Variants in DNM3 observed in about 807,000 individuals in gnomAD.
The protein encoded by DNM3 is dynamin-3.
DNM3 carries 47 observed loss-of-function variants against 101.6 expected under a neutral mutation model. The ratio of observed to expected loss-of-function variants is 0.46; its 90% CI spans 0.37 to 0.59. The LOEUF (loss-of-function observed/expected upper bound fraction) is 0.59. Ranked by LOEUF, DNM3 falls within the 20% of genes least tolerant of loss-of-function variation. The pLI, the probability that DNM3 is intolerant of heterozygous loss-of-function variation, is 0.00. For missense variants in DNM3, 849 were observed against 1,085.7 expected (o/e 0.78, Z 3.06); for synonymous variants, 385 against 387.9 (o/e 0.99, Z 0.09).
At chr1:172,121,435 G>A (rs1195449110) in intron 13 of DNM3, among the ~76,000 whole-genome samples, 2 of 152,240 alleles carry the variant, frequency 1.3e-5, no homozygotes, top group African/African-American at 4.8e-5. Flanking sequence ...AATCAAGATA[G>A]TGCGGAAGCC....
chr1:172,222,207 A>C (rs1278093099), intron 14 of DNM3, among the ~76,000 whole-genome samples: 1 of 152,208 alleles, frequency 6.6e-6, no homozygotes, highest in South Asian at 2.1e-4. Context: ...AAACATGGCC[A>C]CTTGCTTTAG....
chr1:171,965,820 C>G (rs2043548002), intron 2 of DNM3, among the ~76,000 whole-genome samples: 1 of 152,112 alleles, frequency 6.6e-6, no homozygotes, highest in Non-Finnish European at 1.5e-5. Flanking sequence ...TATTCAGCTC[C>G]TCTCCCCTCC....
At chr1:172,299,719 C>T (rs1025537033) in intron 15 of DNM3, among the ~76,000 whole-genome samples, 15 of 152,100 alleles carry the variant, frequency 9.9e-5, no homozygotes, top group African/African-American at 3.6e-4. Context: ...TAACTTTGTT[C>T]TTTTTATGGG....
At chr1:172,028,863 A>T (rs772615703) in intron 4 of DNM3, among the ~76,000 whole-genome samples, 2 of 152,214 alleles carry the variant, frequency 1.3e-5, no homozygotes, top group Non-Finnish European at 2.9e-5. Context: ...AACCAGGAAG[A>T]AGTTGAATCC....
At chr1:172,311,822 C>A (rs1329237443) in intron 16 of DNM3, among the ~76,000 whole-genome samples, 6 of 152,132 alleles carry the variant, frequency 3.9e-5, no homozygotes, top group Non-Finnish European at 8.8e-5. Context: ...ATTTGTTTAT[C>A]AATGCATATT....
chr1:172,195,110 A>G (rs901280672), intron 14 of DNM3, among the ~76,000 whole-genome samples: 1 of 151,914 alleles, frequency 6.6e-6, no homozygotes, highest in Non-Finnish European at 1.5e-5. Context: ...TTATTTCTCC[A>G]TCACTTATGA....
intron 2 of DNM3, among the ~76,000 whole-genome samples, chr1:171,962,327 T>G (rs1275070958): frequency 1.3e-5 from 2 of 152,144 alleles, no homozygotes; most frequent in Non-Finnish European, 2.9e-5. Flanking sequence ...TATGAAATAC[T>G]GAGAATAGGT....
At chr1:171,993,221 T>C (rs140155358) in intron 4 of DNM3, among the ~76,000 whole-genome samples, 125 of 152,288 alleles carry the variant, frequency 8.2e-4, no homozygotes, top group Middle Eastern at 3.4e-3. Context: ...TTTGAGTTAC[T>C]GTCCAGTGTC....
At chr1:172,121,104 A>G (rs1197910374) in intron 13 of DNM3, among the ~76,000 whole-genome samples, 1 of 152,176 alleles carries the variant, frequency 6.6e-6, no homozygotes, top group African/African-American at 2.4e-5. Context: ...TGAGAAATAG[A>G]TGACAGGCTT....
intron 2 of DNM3, among the ~76,000 whole-genome samples, chr1:171,986,790 C>A (rs1366140664): frequency 6.6e-6 from 1 of 152,096 alleles, no homozygotes; most frequent in Non-Finnish European, 1.5e-5. Context: ...TACAATTCTT[C>A]ATTGAGATAT....
chr1:172,414,614 G>T (rs1166333104), downstream of DNM3, among the ~76,000 whole-genome samples: 3 of 152,126 alleles, frequency 2.0e-5, no homozygotes. Flanking sequence ...CATTGAGTGT[G>T]ATTTCCTCAG....
At chr1:172,173,023 G>T (rs866187337) in intron 14 of DNM3, among the ~76,000 whole-genome samples, 4 of 151,848 alleles carry the variant, frequency 2.6e-5, no homozygotes, top group Admixed American at 6.6e-5. Flanking sequence ...GAATAGCTCT[G>T]GAAGGGGTTT....
intron 10 of DNM3, among the ~76,000 whole-genome samples, chr1:172,068,527 G>C (rs1342044304): frequency 6.6e-6 from 1 of 152,026 alleles, no homozygotes; most frequent in Non-Finnish European, 1.5e-5. Flanking sequence ...TTTATTAAGT[G>C]CCAACTCAGC....
intron 14 of DNM3, among the ~76,000 whole-genome samples, chr1:172,181,459 A>G (rs918738474): frequency 2.0e-5 from 3 of 151,834 alleles, no homozygotes; most frequent in Admixed American, 6.6e-5. Context: ...ATATCTTGCT[A>G]TTAGGGCAAT....
intron 1 of DNM3, among the ~76,000 whole-genome samples, chr1:171,882,253 G>A (rs548999894): frequency 4.7e-5 from 7 of 149,098 alleles, no homozygotes; most frequent in African/African-American, 1.7e-4. Flanking sequence ...TGAGGCAGGA[G>A]AATTGCTTGA....
intron 10 of DNM3, among the ~76,000 whole-genome samples, chr1:172,051,691 GA>G (rs1423012526): frequency 1.3e-5 from 2 of 152,184 alleles, no homozygotes; most frequent in African/African-American, 4.8e-5. Flanking sequence ...ATCTAGGTTG[GA>G]AAATGTGTCT....
intron 20 of DNM3, among the ~76,000 whole-genome samples, chr1:172,404,300 T>A (rs2070724352): frequency 6.6e-6 from 1 of 152,058 alleles, no homozygotes; most frequent in Non-Finnish European, 1.5e-5. Context: ...CCTAGGGACA[T>A]CCTTAAAGAG....
chr1:171,991,474 C>T (rs1488071372), intron 4 of DNM3, among the ~76,000 whole-genome samples: 1 of 152,134 alleles, frequency 6.6e-6, no homozygotes, highest in Non-Finnish European at 1.5e-5. Flanking sequence ...ACAAGGGATA[C>T]AGATGAAGAG....
intron 14 of DNM3, among the ~76,000 whole-genome samples, chr1:172,228,402 T>C (rs575541627): frequency 6.6e-6 from 1 of 152,202 alleles, no homozygotes; most frequent in African/African-American, 2.4e-5. Flanking sequence ...GGTTTCACTC[T>C]TTCTTCGCTC....
Sources: gnomAD v4.1 joint callset for allele counts (sites outside exome capture counted in the v4.1 genomes callset) on GRCh38, gnomAD v4.1.1 for gene constraint, MANE v1.5 for transcripts, NCBI Gene and HGNC (gene_info 2026-07-23, HGNC 2026-07-21) for gene names.